Variants in NR2F1-AS1 observed in about 807,000 individuals in gnomAD.
NR2F1-AS1 encodes NR2F1 antisense RNA 1.
At chr5:93,516,443 T>C (rs919463086) in intron 4 of NR2F1-AS1, among the ~76,000 whole-genome samples, 1 of 151,934 alleles carries the variant, frequency 6.6e-6, no homozygotes, top group South Asian at 2.1e-4. Context: ...ATTTGTACTG[T>C]TTTTCTTTAT....
intron 4 of NR2F1-AS1, among the ~76,000 whole-genome samples, chr5:93,412,162 T>C (rs900301748): frequency 1.3e-5 from 2 of 152,182 alleles, no homozygotes; most frequent in African/African-American, 2.4e-5. Context: ...AACATTTCCA[T>C]TCATTCACAT....
intron 4 of NR2F1-AS1, among the ~76,000 whole-genome samples, chr5:93,507,076 A>T (rs986660174): frequency 1.3e-5 from 2 of 152,220 alleles, no homozygotes; most frequent in Non-Finnish European, 2.9e-5. Context: ...GTAATCTGCC[A>T]TATTAACAGA....
chr5:93,531,285 T>G (rs997572275), intron 4 of NR2F1-AS1, among the ~76,000 whole-genome samples: 2 of 144,494 alleles, frequency 1.4e-5, no homozygotes, highest in African/African-American at 5.2e-5. Flanking sequence ...AAGTAAGATA[T>G]TCCCAGAAAA....
intron 4 of NR2F1-AS1, among the ~76,000 whole-genome samples, chr5:93,532,473 G>A (rs2149901183): frequency 1.3e-5 from 2 of 152,252 alleles, no homozygotes; most frequent in Middle Eastern, 3.4e-3. Context: ...TAGTCTGTTG[G>A]CAGAAGGCCT....
intron 4 of NR2F1-AS1, among the ~76,000 whole-genome samples, chr5:93,530,562 T>A (rs567204483): frequency 6.6e-6 from 1 of 152,264 alleles, no homozygotes; most frequent in Non-Finnish European, 1.5e-5. Context: ...GGTAACAACC[T>A]TACTAGTAGT....
intron 2 of NR2F1-AS1, among the ~76,000 whole-genome samples, chr5:93,561,635 T>C (rs937804714): frequency 2.0e-5 from 3 of 152,112 alleles, no homozygotes; most frequent in Non-Finnish European, 2.9e-5. Context: ...TAACTGGGCA[T>C]AATGGCGCAT....
intron 4 of NR2F1-AS1, among the ~76,000 whole-genome samples, chr5:93,439,124 T>C (rs1459924797): frequency 9.9e-5 from 15 of 152,172 alleles, no homozygotes; most frequent in Non-Finnish European, 1.5e-5. Flanking sequence ...TAACCAAAAA[T>C]TGACCTAACA....
chr5:93,582,385 G>T (rs1275179506), upstream of NR2F1-AS1, among the ~76,000 whole-genome samples: 1 of 151,916 alleles, frequency 6.6e-6, no homozygotes, highest in Non-Finnish European at 1.5e-5. Context: ...GGCAATAGCT[G>T]CAAATTCCAG....
chr5:93,566,921 C>A (rs1752632022), intron 1 of NR2F1-AS1, among the ~76,000 whole-genome samples: 1 of 151,836 alleles, frequency 6.6e-6, no homozygotes, highest in African/African-American at 2.4e-5. Flanking sequence ...TAATTTTAAT[C>A]ATATTACATT....
At chr5:93,472,028 C>T (rs1750375698) in intron 4 of NR2F1-AS1, among the ~76,000 whole-genome samples, 1 of 151,736 alleles carries the variant, frequency 6.6e-6, no homozygotes, top group African/African-American at 2.4e-5. Flanking sequence ...CCTTACAGTA[C>T]TATACAGTAT....
chr5:93,581,691 T>TGG (rs1753043854), upstream of NR2F1-AS1, among the ~76,000 whole-genome samples: 1 of 54,324 alleles, frequency 1.8e-5, no homozygotes, highest in South Asian at 1.0e-3. Flanking sequence ...TCTCTCTCTC[T>TGG]CTCTCTCTCT....
intron 4 of NR2F1-AS1, among the ~76,000 whole-genome samples, chr5:93,499,264 A>G (rs1454290668): frequency 1.3e-5 from 2 of 152,194 alleles, no homozygotes; most frequent in Non-Finnish European, 2.9e-5. Context: ...AAGTACAGGC[A>G]TATCTCACTT....
intron 4 of NR2F1-AS1, among the ~76,000 whole-genome samples, chr5:93,548,995 G>C (rs1180096851): frequency 6.6e-6 from 1 of 152,124 alleles, no homozygotes; most frequent in Admixed American, 6.5e-5. Context: ...AGGATTAATA[G>C]TCATAATTTT....
At chr5:93,499,806 A>C (rs1030456454) in intron 4 of NR2F1-AS1, among the ~76,000 whole-genome samples, 7 of 152,232 alleles carry the variant, frequency 4.6e-5, no homozygotes, top group African/African-American at 1.7e-4. Context: ...ACTCCTGTGA[A>C]CACATGAATG....
At chr5:93,487,276 G>A (rs1404038672) in intron 4 of NR2F1-AS1, among the ~76,000 whole-genome samples, 1 of 152,086 alleles carries the variant, frequency 6.6e-6, no homozygotes, top group African/African-American at 2.4e-5. Flanking sequence ...GAAATAAAGG[G>A]TATTCAAACA....
chr5:93,500,083 A>C (rs1751046315), intron 4 of NR2F1-AS1, among the ~76,000 whole-genome samples: 2 of 152,244 alleles, frequency 1.3e-5, no homozygotes, highest in Admixed American at 1.3e-4. Context: ...CTGATGTAGA[A>C]GCTGCAGCAA....
chr5:93,432,020 T>C (rs1463750870), intron 4 of NR2F1-AS1, among the ~76,000 whole-genome samples: 1 of 152,202 alleles, frequency 6.6e-6, no homozygotes, highest in African/African-American at 2.4e-5. Context: ...CAAAATTTGA[T>C]TGCTGTTAAA....
intron 4 of NR2F1-AS1, among the ~76,000 whole-genome samples, chr5:93,430,048 T>A (rs926989516): frequency 4.6e-5 from 7 of 152,216 alleles, no homozygotes; most frequent in African/African-American, 1.7e-4. Flanking sequence ...CTAAACATTG[T>A]TTCATGAAAT....
chr5:93,447,516 A>C (rs561263839), intron 4 of NR2F1-AS1, among the ~76,000 whole-genome samples: 1 of 152,246 alleles, frequency 6.6e-6, no homozygotes, highest in African/African-American at 2.4e-5. Context: ...TACCATCTCA[A>C]ACCAGTTAGA....
Sources: gnomAD v4.1 joint callset for allele counts (sites outside exome capture counted in the v4.1 genomes callset) on GRCh38, gnomAD v4.1.1 for gene constraint, MANE v1.5 for transcripts, NCBI Gene and HGNC (gene_info 2026-07-23, HGNC 2026-07-21) for gene names.